IL1RAPL2: variants seen among roughly 807,000 people sequenced by gnomAD.
The protein encoded by IL1RAPL2 is X-linked interleukin-1 receptor accessory protein-like 2.
In IL1RAPL2, 3 loss-of-function variants were observed where a neutral mutation model predicts 44.1. That is an observed-to-expected ratio of 0.07 (90% confidence interval 0.03 to 0.18). The LOEUF (loss-of-function observed/expected upper bound fraction) is 0.18. IL1RAPL2 is among the 10% of genes least tolerant of loss of function. The pLI, the probability that IL1RAPL2 is intolerant of heterozygous loss-of-function variation, is 1.00. For missense variants in IL1RAPL2, 391 were observed against 496.4 expected (o/e 0.79, Z 2.02); for synonymous variants, 181 against 178.8 (o/e 1.01, Z -0.10).
intron 4 of IL1RAPL2, among the ~76,000 whole-genome samples, chrX:105,234,723 A>G (rs2034104304): frequency 9.2e-6 from 1 of 108,848 alleles, no homozygotes; most frequent in Non-Finnish European, 1.9e-5. Flanking sequence ...CAGGAGAACC[A>G]CTTGAACATG....
At chrX:105,155,042 A>G (rs1327618388) in intron 2 of IL1RAPL2, among the ~76,000 whole-genome samples, 5 of 111,467 alleles carry the variant, frequency 4.5e-5, no homozygotes, top group Non-Finnish European at 9.4e-5. Context: ...CTTTGGTAAT[A>G]TATCTCATCC....
At chrX:104,848,115 A>G (rs1448422223) in intron 2 of IL1RAPL2, among the ~76,000 whole-genome samples, 3 of 109,949 alleles carry the variant, frequency 2.7e-5, no homozygotes, top group African/African-American at 6.6e-5. Context: ...GGGTTTTCTA[A>G]ATATACAATC....
At chrX:105,564,159 A>C (rs1011525762) in intron 6 of IL1RAPL2, among the ~76,000 whole-genome samples, 2 of 111,311 alleles carry the variant, frequency 1.8e-5, no homozygotes, top group Non-Finnish European at 1.9e-5. Context: ...CACTAATCCC[A>C]TTCATAAGGG....
At chrX:105,737,841 C>T (rs1227884617) in intron 7 of IL1RAPL2, among the ~76,000 whole-genome samples, 1 of 111,354 alleles carries the variant, frequency 9.0e-6, no homozygotes, top group African/African-American at 3.3e-5. Flanking sequence ...AGTAAATTCC[C>T]AATTTTGTCT....
intron 4 of IL1RAPL2, among the ~76,000 whole-genome samples, chrX:105,246,154 T>C (rs1226371457): frequency 8.9e-6 from 1 of 112,522 alleles, no homozygotes; most frequent in Non-Finnish European, 1.9e-5. Flanking sequence ...AATTGAAATA[T>C]CTAAAAGAAC....
chrX:104,711,313 C>T (rs1163220311), intron 2 of IL1RAPL2, among the ~76,000 whole-genome samples: 1 of 111,044 alleles, frequency 9.0e-6, no homozygotes, highest in Non-Finnish European at 1.9e-5. Context: ...AGCTATTGAT[C>T]TTGTGTTTTA....
At chrX:105,008,884 A>T (rs184048804) in intron 2 of IL1RAPL2, among the ~76,000 whole-genome samples, 87 of 111,757 alleles carry the variant, frequency 7.8e-4, no homozygotes, top group African/African-American at 2.7e-3. Flanking sequence ...GAATCTACAA[A>T]GAACTCAAAC....
chrX:105,420,431 C>T (rs1048634719), intron 5 of IL1RAPL2, among the ~76,000 whole-genome samples: 4 of 111,321 alleles, frequency 3.6e-5, no homozygotes, highest in Non-Finnish European at 7.5e-5. Context: ...ATGTATTAAC[C>T]CCAAATCCTA....
chrX:105,197,251 A>G (rs1236743840), intron 3 of IL1RAPL2, among the ~76,000 whole-genome samples: 1 of 110,532 alleles, frequency 9.0e-6, no homozygotes, highest in Non-Finnish European at 1.9e-5. Context: ...AGCAGATGTA[A>G]TTCAGCTTTA....
intron 2 of IL1RAPL2, among the ~76,000 whole-genome samples, chrX:104,877,091 G>T (rs1457817808): frequency 9.0e-6 from 1 of 110,540 alleles, no homozygotes; most frequent in Non-Finnish European, 1.9e-5. Flanking sequence ...AGTATTCCAT[G>T]GTGTATATGT....
intron 1 of IL1RAPL2, among the ~76,000 whole-genome samples, chrX:104,583,417 A>G (rs1313062028): frequency 2.7e-5 from 3 of 111,596 alleles, no homozygotes; most frequent in Non-Finnish European, 3.8e-5. Flanking sequence ...CCTCAAGCCC[A>G]GACTTACGCA....
chrX:105,761,635 G>A lies in IL1RAPL2; in HGVS notation c.1364-5329G>A, dbSNP rs936248732. The stretch of plus-strand genomic sequence containing the variant: ...TGTTGATAGCTATAAATTAGCTAAC[G>A]TTCACCAAAAATTAATGGAGTATTA... On this transcript the variant is annotated intron_variant, in intron 10 of 10. Coordinates refer to ENST00000372582, the MANE Select transcript of IL1RAPL2 (RefSeq NM_017416.2). Among the ~76,000 whole-genome samples, 5 of 111,351 alleles carry A rather than the reference G, an allele frequency of 4.5e-5. No homozygotes were observed. The Admixed American group carries it at 4.8e-4, about 11-fold the overall frequency.
At chrX:105,119,948 T>C (rs1021611939) in intron 2 of IL1RAPL2, among the ~76,000 whole-genome samples, 12 of 110,233 alleles carry the variant, frequency 1.1e-4, no homozygotes, top group African/African-American at 4.0e-4. Flanking sequence ...ACTTATTTAA[T>C]CTTCACAACA....
chrX:105,018,874 G>A (rs755215978), intron 2 of IL1RAPL2, among the ~76,000 whole-genome samples: 49 of 110,887 alleles, frequency 4.4e-4, no homozygotes, highest in South Asian at 1.5e-3. Context: ...TTTCCAACAC[G>A]CACTGCCAAG....
chrX:105,115,863 G>C (rs1034022864), intron 2 of IL1RAPL2, among the ~76,000 whole-genome samples: 1 of 113,123 alleles, frequency 8.8e-6, no homozygotes, highest in Admixed American at 9.2e-5. Flanking sequence ...GGGAGGCTCA[G>C]GCATGGGGGC....
chrX:105,028,152 G>A (rs1018099480), intron 2 of IL1RAPL2, among the ~76,000 whole-genome samples: 1 of 111,274 alleles, frequency 9.0e-6, no homozygotes, highest in Non-Finnish European at 1.9e-5. Flanking sequence ...GACATAGAGA[G>A]TAGAAGTACG....
At chrX:105,424,478 T>C (rs1219234140) in intron 5 of IL1RAPL2, among the ~76,000 whole-genome samples, 1 of 110,813 alleles carries the variant, frequency 9.0e-6, no homozygotes, top group Non-Finnish European at 1.9e-5. Context: ...AGTTCCCAGC[T>C]TGACTTTTCT....
chrX:105,425,744 G>A (rs1377911629), intron 5 of IL1RAPL2, among the ~76,000 whole-genome samples: 1 of 110,256 alleles, frequency 9.1e-6, no homozygotes, highest in Non-Finnish European at 1.9e-5. Flanking sequence ...TTAAGTTGGG[G>A]AACTAGAAAA....
At chrX:105,552,398 A>G (rs1214340051) in intron 6 of IL1RAPL2, among the ~76,000 whole-genome samples, 1 of 112,355 alleles carries the variant, frequency 8.9e-6, no homozygotes, top group Non-Finnish European at 1.9e-5. Flanking sequence ...CCAAAATTAT[A>G]CCTTGTGGCA....
Sources: allele counts gnomAD v4.1 joint callset (sites outside exome capture counted in the v4.1 genomes callset), GRCh38; gene constraint gnomAD v4.1.1; transcripts MANE v1.5; gene names NCBI Gene and HGNC (gene_info 2026-07-23, HGNC 2026-07-21).